SCAI: variants seen among roughly 807,000 people sequenced by gnomAD.
The protein encoded by SCAI is protein SCAI.
Under a neutral mutation model 92.2 loss-of-function variants are expected in SCAI, and 24 were observed. The ratio of observed to expected loss-of-function variants is 0.26; its 90% CI spans 0.19 to 0.37. The LOEUF (loss-of-function observed/expected upper bound fraction) is 0.37. Ranked by LOEUF, SCAI falls within the 10% of genes least tolerant of loss-of-function variation. The probability of loss-of-function intolerance (pLI) is 1.00; values close to 1 mark genes in which losing one functional copy is unlikely to be tolerated. For missense variants in SCAI, 450 were observed against 736.2 expected, an observed-to-expected ratio of 0.61 and a Z score of 4.50; for synonymous variants, 261 against 258.6, an observed-to-expected ratio of 1.01 and a Z score of -0.09.
intron 2 of SCAI, among the ~76,000 whole-genome samples, chr9:125,088,733 C>T (rs1267317869): frequency 6.6e-6 from 1 of 152,172 alleles, no homozygotes; most frequent in African/African-American, 2.4e-5. Context: ...ATACCTTGGC[C>T]TCGCAAAGTT....
chr9:125,032,174 T>C (rs1309672561), intron 3 of SCAI, among the ~76,000 whole-genome samples: 1 of 83,792 alleles, frequency 1.2e-5, no homozygotes, highest in Non-Finnish European at 2.4e-5. Context: ...AAAATGAATA[T>C]ATATATATAT....
intron 14 of SCAI, among the ~76,000 whole-genome samples, chr9:124,987,752 G>A (rs1217469744): frequency 6.6e-6 from 1 of 151,406 alleles, no homozygotes; most frequent in South Asian, 2.1e-4. Flanking sequence ...ACTTGAGGTC[G>A]GGAATTTGAG....
chr9:125,072,270 C>G (rs1212701395), intron 2 of SCAI, among the ~76,000 whole-genome samples: 1 of 152,136 alleles, frequency 6.6e-6, no homozygotes, highest in Non-Finnish European at 1.5e-5. Flanking sequence ...GATCCGCCCA[C>G]CTTGGCCTCC....
At chr9:125,025,944 T>TG (rs766330992) in intron 6 of SCAI, among the ~76,000 whole-genome samples, 30 of 152,250 alleles carry the variant, frequency 2.0e-4, no homozygotes, top group Non-Finnish European at 3.7e-4. Flanking sequence ...GTTGTGTTGC[T>TG]GGGGTAGAGA....
At chr9:124,953,307 T>C (rs1193232104) in intron 17 of SCAI, among the ~76,000 whole-genome samples, 1 of 152,068 alleles carries the variant, frequency 6.6e-6, no homozygotes, top group African/African-American at 2.4e-5. Flanking sequence ...GTTAAATAAA[T>C]AAAAAGATAT....
Position 125,019,074 on chromosome 9 carries a change from CAAT to C in SCAI, c.708+30_708+32del, listed in dbSNP as rs755659580. The C allele has an allele frequency of 7.8e-6, 12 of 1,538,122 alleles. No individual in the cohort carries two copies. The South Asian group carries it at 1.3e-4, about 16-fold the overall frequency. ...ATAAACTACACGGTCATTTATTTAT[CAAT>C]AATTATGATTTTTCTTATCAAAAAC... On this transcript the variant is annotated intron_variant, in intron 8 of 17. Transcript: ENST00000336505.
chr9:125,006,345 G>C (rs1292159939), intron 9 of SCAI, among the ~76,000 whole-genome samples: 1 of 152,014 alleles, frequency 6.6e-6, no homozygotes, highest in Non-Finnish European at 1.5e-5. Flanking sequence ...ATTAAAGAAG[G>C]GGCAACATAG....
At chr9:124,988,318 G>A (rs1027840024) in intron 14 of SCAI, among the ~76,000 whole-genome samples, 6 of 151,934 alleles carry the variant, frequency 3.9e-5, no homozygotes, top group South Asian at 2.1e-4. Flanking sequence ...TCTTAAGTAT[G>A]AGCAAACAAG....
In SCAI at chr9:125,015,018, T is replaced by C. The variant is rs1231422414; in HGVS notation, c.861+3781A>G. Among the ~76,000 whole-genome samples the C allele has an allele frequency of 5.9e-5, 9 of 152,202 alleles. No homozygotes were observed. The South Asian group carries it at 1.9e-3, about 32-fold the overall frequency. ...AACTGGATCCCTTCCTTACACCTTA[T>C]ACAAAAATTAATTCAAGATGGATTA... is the stretch of plus-strand genomic sequence containing the variant. On this transcript the variant is annotated intron_variant, in intron 9 of 17. Transcript: ENST00000336505.
chr9:124,967,655 A>T (rs868588129), intron 17 of SCAI, among the ~76,000 whole-genome samples: 35 of 151,116 alleles, frequency 2.3e-4, no homozygotes, highest in South Asian at 8.4e-4. Flanking sequence ...AAAAAATAAT[A>T]AAAAAATACA....
At chr9:125,060,660 G>A (rs1477897295) in intron 2 of SCAI, among the ~76,000 whole-genome samples, 5 of 152,078 alleles carry the variant, frequency 3.3e-5, no homozygotes. Context: ...AAGATCTGAT[G>A]GTTTTATCAG....
chr9:124,981,373 G>T (rs1376824372), intron 14 of SCAI, among the ~76,000 whole-genome samples: 2 of 152,068 alleles, frequency 1.3e-5, no homozygotes, highest in Non-Finnish European at 2.9e-5. Flanking sequence ...AACAACTCTT[G>T]TTATTGTTTT....
chr9:125,042,858 CTTTTT>C (rs770118712), intron 3 of SCAI, among the ~76,000 whole-genome samples: 3 of 50,994 alleles, frequency 5.9e-5, no homozygotes, highest in African/African-American at 1.6e-4. Context: ...TGCTCCCTGG[CTTTTT>C]TTTTTTTTTT....
intron 6 of SCAI, among the ~76,000 whole-genome samples, chr9:125,022,514 C>T (rs1832888762): frequency 6.6e-6 from 1 of 152,212 alleles, no homozygotes; most frequent in South Asian, 2.1e-4. Flanking sequence ...TGGGCTCAAG[C>T]AATCCTCTCA....
At position 125,042,862 on chromosome 9, in the gene SCAI, T is replaced by TG. The variant is rs1302363571; in HGVS notation, c.230+13013_230+13014insC. Among the ~76,000 whole-genome samples the TG allele has an allele frequency of 7.6e-5, 8 of 105,842 alleles. No homozygotes were observed. In the East Asian group the frequency reaches 7.7e-4, roughly 10 times the overall value. The allele number at this position is 105,842 out of a possible 152,430, so 69.4% of individuals were successfully genotyped here. The stretch of plus-strand genomic sequence containing the variant: ...GGACCACATTCTGCTCCCTGGCTTT[T>TG]TTTTTTTTTTTTTTTTTTTTTTTTT... On this transcript the variant is annotated intron_variant, in intron 3 of 17. Transcript: ENST00000336505.
chr9:125,044,660 C>T (rs1833398929), intron 3 of SCAI, among the ~76,000 whole-genome samples: 1 of 152,154 alleles, frequency 6.6e-6, no homozygotes, highest in Admixed American at 6.5e-5. Context: ...TTCTGGTACT[C>T]AAAAAATGGT....
At chr9:125,063,089 A>G (rs1048955640) in intron 2 of SCAI, among the ~76,000 whole-genome samples, 1 of 143,330 alleles carries the variant, frequency 7.0e-6, no homozygotes, top group African/African-American at 2.6e-5. Context: ...AATGGTTTTA[A>G]TTATAACCCC....
At chr9:125,044,952 C>A (rs184185890) in intron 3 of SCAI, among the ~76,000 whole-genome samples, 2 of 152,212 alleles carry the variant, frequency 1.3e-5, no homozygotes, top group Non-Finnish European at 2.9e-5. Flanking sequence ...TGCCCCACCA[C>A]GGCAGCTAGC....
rs1588110581 is a variant in SCAI, at chr9:124,950,115, A to T, written c.*2692T>A. On this transcript the variant is annotated 3_prime_UTR_variant, in exon 18 of 18. Coordinates refer to ENST00000336505, the MANE Select transcript of SCAI (RefSeq NM_001144877.3). Reference sequence around the variant, plus strand: ...GTCTCTGTCTGTACTAGTTTCTAAAACAGCTAAGTGGGACCCAGATTTTCT... The same window carrying T: ...GTCTCTGTCTGTACTAGTTTCTAAATCAGCTAAGTGGGACCCAGATTTTCT... 6.6e-6 allele frequency: 1 copy of T among 152,148 alleles called. No individual in the cohort carries two copies. Among genetic ancestry groups the T allele is most frequent in the Non-Finnish European group, 1.5e-5 (1 of 68,026 alleles). 9.4% of individuals were successfully genotyped at this position (152,148 alleles called of 1,614,324 possible). A position where few individuals can be genotyped will look rare whatever the true frequency, so the allele number is the denominator to read the frequency against.
Sources: gnomAD v4.1 joint callset for allele counts (sites outside exome capture counted in the v4.1 genomes callset) on GRCh38, gnomAD v4.1.1 for gene constraint, MANE v1.5 for transcripts, NCBI Gene and HGNC (gene_info 2026-07-23, HGNC 2026-07-21) for gene names.